The following CALHM3 variants were observed in gnomAD, a reference collection of about 807,000 sequenced individuals.
CALHM3 encodes calcium homeostasis modulator 3, also known as calcium homeostasis modulator protein 3.
A neutral mutation model predicts 13.6 loss-of-function variants in CALHM3; 9 were observed. That is an observed-to-expected ratio of 0.66 (90% CI 0.40 to 1.15). The LOEUF (loss-of-function observed/expected upper bound fraction) is 1.15. Ranked by LOEUF, CALHM3 falls within the 50% of genes most tolerant of loss-of-function variation. The pLI, the probability that CALHM3 is intolerant of heterozygous loss-of-function variation, is 0.01. For missense variants in CALHM3, 497 were observed against 463.4 expected, an observed-to-expected ratio of 1.07 and a Z score of -0.67; for synonymous variants, 231 against 213.2, an observed-to-expected ratio of 1.08 and a Z score of -0.73.
chr10:103,473,418 G>C lies in CALHM3; in HGVS notation c.830C>G (p.Pro277Arg), dbSNP rs1407243514. 21 of 1,494,636 alleles carry C rather than the reference G, an allele frequency of 1.4e-5. 1 individual carries two copies. The South Asian group carries it at 2.7e-4, about 19-fold the overall frequency. The allele number at this position is 1,494,636 out of a possible 1,614,324, so 92.6% of individuals were successfully genotyped here. The change falls in exon 3 of 3, where the codon CCA becomes CGA. Residue 277 changes from proline (P) to arginine (R), a missense_variant. Physicochemically the swap from Pro to Arg is moderately radical, Grantham distance 103. Transcript: ENST00000369783. ...CCCACTTCCACTATCCAGGCCTTCT[G>C]GGGGCTCAGGCACTGCGGGGAGCTC... The part of the protein sequence containing the change: ...RLELPAVPEP[P>R]EGLDSGSGKA...
In CALHM3 at chr10:103,476,285, C is replaced by T. The variant is rs762179943; in HGVS notation, c.543+9G>A. 3.9e-6 allele frequency: 6 copies of T among 1,551,016 alleles called. No individual in the cohort carries two copies. The Admixed American group carries it at 7.8e-5, about 20-fold the overall frequency. On this transcript the variant is annotated intron_variant, in intron 2 of 2. Transcript: ENST00000369783. The stretch of plus-strand genomic sequence containing the variant: ...GGTGCAAGGGCCGGGGGAGGATCAC[C>T]CCAGTTACCTGTGACAGGCACCGCA...
At chr10:103,477,801 G>A (rs2033407309) in intron 1 of CALHM3, among the ~76,000 whole-genome samples, 1 of 152,084 alleles carries the variant, frequency 6.6e-6, no homozygotes, top group South Asian at 2.1e-4. Context: ...TCGAACTCCT[G>A]ACCTCAGGTG....
rs373667863 is a variant in CALHM3, at chr10:103,477,451, ATGT to A, written c.288-905_288-903del. ...GAGGCTGAGGGTGCACCGGATGCAG[ATGT>A]TGTTTCTGAATTGGATTGTACACAA... On this transcript the variant is annotated intron_variant, in intron 1 of 2. Coordinates refer to ENST00000369783, the MANE Select transcript of CALHM3 (RefSeq NM_001129742.2). Among the ~76,000 whole-genome samples, 20 of 152,272 alleles carry A rather than the reference ATGT, an allele frequency of 1.3e-4. No individual in the cohort carries two copies. In the East Asian group the frequency reaches 3.9e-3, roughly 29 times the overall value.
Position 103,476,279 on chromosome 10 carries a change from G to A in CALHM3, c.543+15C>T. ...TGTGAGGGTGCAAGGGCCGGGGGAGGATCACCCCAGTTACCTGTGACAGGC... is the reference window on the plus strand; with the variant it reads ...TGTGAGGGTGCAAGGGCCGGGGGAGAATCACCCCAGTTACCTGTGACAGGC... On this transcript the variant is annotated intron_variant, in intron 2 of 2. Coordinates refer to ENST00000369783, the MANE Select transcript of CALHM3 (RefSeq NM_001129742.2). 1.3e-6 allele frequency: 2 copies of A among 1,550,646 alleles called. No homozygotes were observed. The highest frequency in any genetic ancestry group is 1.7e-6 in the Non-Finnish European group (2 of 1,146,584).
At position 103,476,384 on chromosome 10, in the gene CALHM3, G is replaced by T; in HGVS notation, c.453C>A (p.Phe151Leu). The change falls in exon 2 of 3, where the codon TTC becomes TTA. Residue 151 changes from phenylalanine to leucine, a missense_variant. Phe to Leu is a conservative substitution (Grantham distance 22, BLOSUM62 0). Coordinates refer to ENST00000369783, the MANE Select transcript of CALHM3 (RefSeq NM_001129742.2). ...CCTCCTTGCAGGGAACCTTGGCCAG[G>T]AAGAGCTGTACCTGGCTGGGGGTCA... is the stretch of plus-strand genomic sequence containing the variant. ...ANMTPSQVQL[F>L]LAKVPCKEDE... 6.4e-7 allele frequency: 1 copy of T among 1,551,746 alleles called. No homozygotes were observed. The highest frequency in any genetic ancestry group is 8.7e-7 in the Non-Finnish European group (1 of 1,147,000).
At position 103,472,892 on chromosome 10, in the gene CALHM3, T is replaced by C. The variant is rs2033337887; in HGVS notation, c.*321A>G. On this transcript the variant is annotated 3_prime_UTR_variant, in exon 3 of 3. Coordinates refer to ENST00000369783, the MANE Select transcript of CALHM3 (RefSeq NM_001129742.2). The stretch of plus-strand genomic sequence containing the variant: ...ATGGCAGATTTACTTAGATTCTTGC[T>C]ACTCAAAGTTTGGTTCACTGACCAA... The C allele has an allele frequency of 3.3e-6, 1 of 303,960 alleles. No homozygotes were observed. Among genetic ancestry groups the C allele is most frequent in the Non-Finnish European group, 6.0e-6 (1 of 166,474 alleles). 18.8% of individuals were successfully genotyped at this position (303,960 alleles called of 1,614,324 possible).
Position 103,478,812 on chromosome 10 carries a change from G to A in CALHM3, c.221C>T (p.Ser74Phe). ...GCGCCACTCCTCGACCATCACCACA[G>A]ACTGCCGGTTGGCGAGGAGGCCGCA... ...FLCGLLANRQSVVMVEEWRRP... is the reference protein window; with the variant it reads ...FLCGLLANRQFVVMVEEWRRP... The change falls in exon 1 of 3, where the codon TCT becomes TTT. Residue 74 changes from serine (S) to phenylalanine (F), a missense_variant. By Grantham distance (155) the Ser-to-Phe change is radical (BLOSUM62 -2). Coordinates refer to ENST00000369783, the MANE Select transcript of CALHM3 (RefSeq NM_001129742.2). 1 of 1,551,476 alleles carries A rather than the reference G, an allele frequency of 6.4e-7. No homozygotes were observed. The highest frequency in any genetic ancestry group is 2.0e-5 in the Admixed American group (1 of 51,014).
Position 103,476,356 on chromosome 10 carries a change from C to T in CALHM3, c.481G>A (p.Glu161Lys). The T allele has an allele frequency of 1.9e-6, 3 of 1,551,740 alleles. No homozygotes were observed. Among genetic ancestry groups the T allele is most frequent in the Non-Finnish European group, 2.6e-6 (3 of 1,147,012 alleles). Residue 161 changes from glutamate to lysine, a missense_variant, in exon 2 of 3, where the codon GAG (glutamate) becomes AAG (lysine). Transcript: ENST00000369783. ...FLAKVPCKEDELVRDSPARKA... is the reference protein window; with the variant it reads ...FLAKVPCKEDKLVRDSPARKA... ...CGAGCAGGGCTATCCCTGACCAGCT[C>T]ATCCTCCTTGCAGGGAACCTTGGCC...
Position 103,473,365 on chromosome 10 carries a change from G to T in CALHM3, c.883C>A (p.Arg295=), listed in dbSNP as rs867022038. 2.7e-6 allele frequency: 4 copies of T among 1,500,474 alleles called. No homozygotes were observed. The highest frequency in any genetic ancestry group is 4.4e-5 in the Admixed American group (2 of 45,048). 92.9% of individuals were successfully genotyped at this position (1,500,474 alleles called of 1,614,324 possible). The change falls in exon 3 of 3, where the codon CGG becomes AGG. Residue 295 remains arginine (R), a synonymous_variant. Transcript: ENST00000369783. ...CTTAGGAGGCGGTCCACCTGCTCCC[G>T]GCTGGAGATTGCGCGCAGGTGGGCC... The part of the protein sequence containing the change: ...GKAHLRAISS[R]EQVDRLLSTW...
rs1225476704 is a variant in CALHM3, at chr10:103,473,241, G to A, written c.1007C>T (p.Thr336Met). ...CACGTCGGTGTGTTGTGACAGCCTC[G>A]TGCCCAGTGCCAAGGTAGGGGCGCG... ...SHRAPTLALG[T>M]RLSQHTDV The change falls in exon 3 of 3, where the codon ACG (threonine) becomes ATG (methionine). Residue 336 changes from threonine (T) to methionine (M), a missense_variant. Thr to Met is a moderately conservative substitution (Grantham distance 81). Coordinates refer to ENST00000369783, the MANE Select transcript of CALHM3 (RefSeq NM_001129742.2). 1.4e-6 allele frequency: 2 copies of A among 1,438,586 alleles called. No homozygotes were observed. The highest frequency in any genetic ancestry group is 1.8e-6 in the Non-Finnish European group (2 of 1,093,016). The allele number at this position is 1,438,586 out of a possible 1,614,324, so 89.1% of individuals were successfully genotyped here.
Position 103,478,755 on chromosome 10 carries a change from C to G in CALHM3, c.278G>C (p.Gly93Ala). 1 of 1,530,228 alleles carries G rather than the reference C, an allele frequency of 6.5e-7. No homozygotes were observed. 94.8% of individuals were successfully genotyped at this position (1,530,228 alleles called of 1,614,324 possible). ...RPAGHRRKDPGIIRYMCSSVL... is the reference protein window; with the variant it reads ...RPAGHRRKDPAIIRYMCSSVL... ...TGGTGTGGGACCGCACCTGATGATG[C>G]CTGGGTCCTTCCTCCGGTGCCCTGC... Residue 93 changes from glycine (G) to alanine (A), a missense_variant, in exon 1 of 3, where the codon GGC becomes GCC. Transcript: ENST00000369783.
chr10:103,476,764 C>T (rs566730863), intron 1 of CALHM3, among the ~76,000 whole-genome samples: 8 of 152,328 alleles, frequency 5.3e-5, no homozygotes, highest in Non-Finnish European at 1.0e-4. Flanking sequence ...TTCCTCTTGC[C>T]CTAGGCCTTA....
rs1303538533 is a variant in CALHM3, at chr10:103,473,303, A to T, written c.945T>A (p.Ala315=). 3 of 1,486,500 alleles carry T rather than the reference A, an allele frequency of 2.0e-6. No homozygotes were observed. In the East Asian group the frequency reaches 7.5e-5, roughly 37 times the overall value. 92.1% of individuals were successfully genotyped at this position (1,486,500 alleles called of 1,614,324 possible). The part of the protein sequence containing the change: ...WYSSKPPLDL[A]ASPGLCGGGL... The stretch of plus-strand genomic sequence containing the variant: ...CACCCCCGCAGAGCCCGGGGGATGC[A>T]GCCAGGTCCAGCGGCGGCTTGCTGG... The change falls in exon 3 of 3, where the codon GCT becomes GCA. Residue 315 remains alanine (A), a synonymous_variant. Coordinates refer to ENST00000369783, the MANE Select transcript of CALHM3 (RefSeq NM_001129742.2).
At chr10:103,473,852 T>A in intron 2 of CALHM3, 148 bp from the exon 3 acceptor site, 1 of 1,090,566 alleles carries the variant, frequency 9.2e-7, no homozygotes, top group Non-Finnish European at 1.3e-6. Flanking sequence ...ATTCAAATAC[T>A]CCTTAGAGAA....
In CALHM3 at chr10:103,479,016, A is replaced by C; in HGVS notation, c.17T>G (p.Met6Arg). Residue 6 changes from methionine (M) to arginine (R), a missense_variant, in exon 1 of 3, where the codon ATG becomes AGG. Transcript: ENST00000369783. MDKFR[M>R]LFQHFQSSSE... Reference sequence around the variant, plus strand: ...GCTTGACTGGAAGTGCTGGAAGAGCATGCGGAATTTATCCATGGCTCCAGC... The same window carrying C: ...GCTTGACTGGAAGTGCTGGAAGAGCCTGCGGAATTTATCCATGGCTCCAGC... 6.4e-7 allele frequency: 1 copy of C among 1,550,746 alleles called. No homozygotes were observed. The highest frequency in any genetic ancestry group is 8.7e-7 in the Non-Finnish European group (1 of 1,146,490).
chr10:103,473,614 G>T lies in CALHM3; in HGVS notation c.634C>A (p.Gln212Lys). The stretch of plus-strand genomic sequence containing the variant: ...ACGTAGTTGCTCCAGTATCTGCGCT[G>T]CAGGAAGACTGTCTGGTCGAAGCAG... ...RPCFDQTVFL[Q>K]RRYWSNYVDL... Residue 212 changes from glutamine to lysine, a missense_variant, in exon 3 of 3, where the codon CAG becomes AAG. Physicochemically the swap from Gln to Lys is moderately conservative, Grantham distance 53. Coordinates refer to ENST00000369783, the MANE Select transcript of CALHM3 (RefSeq NM_001129742.2). 1 of 1,551,386 alleles carries T rather than the reference G, an allele frequency of 6.4e-7. No individual in the cohort carries two copies. The highest frequency in any genetic ancestry group is 8.7e-7 in the Non-Finnish European group (1 of 1,147,018).
At position 103,479,061 on chromosome 10, in the gene CALHM3, T is replaced by A. The variant is rs1260032188; in HGVS notation, c.-29A>T. On this transcript the variant is annotated 5_prime_UTR_variant, in exon 1 of 3. Coordinates refer to ENST00000369783, the MANE Select transcript of CALHM3 (RefSeq NM_001129742.2). ...TCCAGCCTGGGTGGGTGGGCGGCCGTCGGTTCGGCTCAGTGAGGCTCTGGC... is the reference window on the plus strand; with the variant it reads ...TCCAGCCTGGGTGGGTGGGCGGCCGACGGTTCGGCTCAGTGAGGCTCTGGC... 1.3e-6 allele frequency: 2 copies of A among 1,523,710 alleles called. No individual in the cohort carries two copies. The highest frequency in any genetic ancestry group is 4.9e-5 in the East Asian group (2 of 40,786). The allele number at this position is 1,523,710 out of a possible 1,614,324, so 94.4% of individuals were successfully genotyped here.
intron 2 of CALHM3, among the ~76,000 whole-genome samples, chr10:103,473,986 A>T (rs2033360434): frequency 6.6e-6 from 1 of 152,234 alleles, no homozygotes; most frequent in Non-Finnish European, 1.5e-5. Flanking sequence ...ATCAGATTAC[A>T]TGTCCTCTTT....
chr10:103,478,684 T>C, intron 1 of CALHM3, 62 bp downstream of exon 1: 1 of 1,450,600 alleles, frequency 6.9e-7, no homozygotes, highest in Non-Finnish European at 9.2e-7. Flanking sequence ...TGACAGTGCC[T>C]GTGGGGTGGC....
Sources: allele counts gnomAD v4.1 joint callset (sites outside exome capture counted in the v4.1 genomes callset), GRCh38; gene constraint gnomAD v4.1.1; transcripts MANE v1.5; gene names NCBI Gene and HGNC (gene_info 2026-07-23, HGNC 2026-07-21).